Variants in NEMF observed in about 807,000 individuals in gnomAD.
NEMF encodes ribosome quality control complex subunit NEMF.
NEMF carries 89 observed loss-of-function variants against 162.2 expected under a neutral mutation model. The ratio of observed to expected loss-of-function variants is 0.55; its 90% CI spans 0.46 to 0.65. The LOEUF (loss-of-function observed/expected upper bound fraction) is 0.65, where lower values mean the gene tolerates loss of function less well. NEMF is among the 30% of genes least tolerant of loss of function. NEMF has a pLI of 0.00. For synonymous variants in NEMF, 421 were observed against 404.5 expected (o/e 1.04, Z -0.49); for missense variants, 1,133 against 1,261.9 (o/e 0.90, Z 1.55).
At position 49,825,972 on chromosome 14, in the gene NEMF, GT is replaced by G; in HGVS notation, c.1489-18del. 1 of 1,533,142 alleles carries G rather than the reference GT, an allele frequency of 6.5e-7. No homozygotes were observed. Among genetic ancestry groups the G allele is most frequent in the Non-Finnish European group, 9.0e-7 (1 of 1,117,248 alleles). The allele number at this position is 1,533,142 out of a possible 1,614,324, so 95.0% of individuals were successfully genotyped here. A position where few individuals can be genotyped will look rare whatever the true frequency, so the allele number is the denominator to read the frequency against. ...CTTGAATGCCTATTTATAGAAAAGAGTTTTAAAAACAATTTGTTAAGAATGT... is the reference window on the plus strand; with the variant it reads ...CTTGAATGCCTATTTATAGAAAAGAGTTTAAAAACAATTTGTTAAGAATGT... On this transcript the variant is annotated intron_variant, in intron 15 of 32. Coordinates refer to ENST00000298310, the MANE Select transcript of NEMF (RefSeq NM_004713.6).
chr14:49,815,213 C>A (rs1891659724), intron 16 of NEMF, among the ~76,000 whole-genome samples: 1 of 152,086 alleles, frequency 6.6e-6, no homozygotes, highest in African/African-American at 2.4e-5. Context: ...CTTTAGACCA[C>A]TAATAAGAAA....
intron 3 of NEMF, 51 bp downstream of exon 3, chr14:49,851,512 A>T: frequency 5.5e-6 from 7 of 1,261,536 alleles, no homozygotes; most frequent in Non-Finnish European, 8.1e-6. Context: ...TAAAAACTTA[A>T]TTGTTAGTGA....
rs1244521545 is a variant in NEMF at position 49,851,833 on chromosome 14, A to C, written c.102T>G (p.Asn34Lys). ...MRVNNVYDVD[N>K]KTYLIRLQKP... ...TTTGAAGACGAATAAGGTATGTCTT[A>C]TTATCCACATCATAAACATTGTTTA... Residue 34 changes from asparagine (N) to lysine (K), a missense_variant, in exon 2 of 33, where the codon AAT becomes AAG. Physicochemically the swap from Asn to Lys is moderately conservative, Grantham distance 94. Around this residue, in one of 3 missense-constraint regions of NEMF, gnomAD observed 582 missense variants for 631.5 expected, o/e 0.92. Transcript: ENST00000298310. 6.3e-7 allele frequency: 1 copy of C among 1,586,186 alleles called. No individual in the cohort carries two copies. Among genetic ancestry groups the C allele is most frequent in the East Asian group, 2.2e-5 (1 of 44,720 alleles).
intron 18 of NEMF, among the ~76,000 whole-genome samples, chr14:49,807,592 ATTT>A (rs371689750): frequency 3.1e-3 from 393 of 125,356 alleles, no homozygotes; most frequent in African/African-American, 0.011. Flanking sequence ...GTATCTTGTG[ATTT>A]TTTTTTTTTT....
chr14:49,840,354 C>T (rs890406974), intron 5 of NEMF, among the ~76,000 whole-genome samples: 1 of 151,798 alleles, frequency 6.6e-6, no homozygotes, highest in African/African-American at 2.4e-5. Flanking sequence ...CCCAGCTACT[C>T]GGGAGGCTGC....
chr14:49,810,727 A>G (rs1891436582), intron 18 of NEMF, among the ~76,000 whole-genome samples: 1 of 152,194 alleles, frequency 6.6e-6, no homozygotes, highest in South Asian at 2.1e-4. Context: ...GCAGTGGCTC[A>G]TGCCTGTAAT....
chr14:49,805,912 AAG>A, intron 19 of NEMF, 107 bp downstream of exon 19: 1 of 562,778 alleles, frequency 1.8e-6, no homozygotes, highest in Non-Finnish European at 3.1e-6. Flanking sequence ...CTCTACCAAA[AAG>A]AGTTAGCTCT....
chr14:49,798,540 A>G (rs990230000), intron 25 of NEMF, among the ~76,000 whole-genome samples: 5 of 152,232 alleles, frequency 3.3e-5, no homozygotes, highest in Non-Finnish European at 7.3e-5. Context: ...TCTTGTTTAT[A>G]TCAATTAGCC....
At chr14:49,848,218 G>T (rs543370072) in intron 3 of NEMF, among the ~76,000 whole-genome samples, 1 of 151,910 alleles carries the variant, frequency 6.6e-6, no homozygotes, top group Non-Finnish European at 1.5e-5. Flanking sequence ...TCCTGGTATC[G>T]TCTCTAAGCT....
intron 25 of NEMF, chr14:49,796,400 TC>T: frequency 2.4e-6 from 1 of 417,320 alleles, no homozygotes; most frequent in Non-Finnish European, 4.8e-6. Flanking sequence ...TTCTTTCTGT[TC>T]CCAATGCCAA....
At chr14:49,837,123 A>T (rs1406636119) in intron 6 of NEMF, among the ~76,000 whole-genome samples, 4 of 152,234 alleles carry the variant, frequency 2.6e-5, no homozygotes, top group African/African-American at 9.6e-5. Flanking sequence ...AAATACAAAA[A>T]AAATTAGCTG....
intron 26 of NEMF, among the ~76,000 whole-genome samples, 174 bp from the exon 27 acceptor site, chr14:49,789,747 T>C (rs1327175743): frequency 6.6e-6 from 1 of 152,228 alleles, no homozygotes; most frequent in Non-Finnish European, 1.5e-5. Flanking sequence ...GTCCTCATCT[T>C]CAAGGAATTT....
At chr14:49,848,672 T>C (rs1893629020) in intron 3 of NEMF, among the ~76,000 whole-genome samples, 1 of 151,694 alleles carries the variant, frequency 6.6e-6, no homozygotes, top group African/African-American at 2.4e-5. Flanking sequence ...CCATCTCTAC[T>C]AAAAATACAA....
At chr14:49,819,271 T>C (rs1594767255) in intron 16 of NEMF, among the ~76,000 whole-genome samples, 1 of 152,132 alleles carries the variant, frequency 6.6e-6, no homozygotes, top group Non-Finnish European at 1.5e-5. Context: ...AGAGTATATT[T>C]TTAAGTGCTC....
At chr14:49,822,417 A>T (rs1892118982) in intron 16 of NEMF, among the ~76,000 whole-genome samples, 1 of 150,860 alleles carries the variant, frequency 6.6e-6, no homozygotes, top group African/African-American at 2.4e-5. Flanking sequence ...GCTACTTGGG[A>T]GGCTGAGGCA....
chr14:49,789,315 C>T lies in NEMF; in HGVS notation c.2726G>A (p.Gly909Glu). 2 of 1,614,160 alleles carry T rather than the reference C, an allele frequency of 1.2e-6. No homozygotes were observed. Among genetic ancestry groups the T allele is most frequent in the Non-Finnish European group, 1.7e-6 (2 of 1,180,028 alleles). Residue 909 changes from glycine to glutamate, a missense_variant, in exon 28 of 33, where the codon GGG becomes GAG. By Grantham distance (98) the Gly-to-Glu change is moderately conservative. This residue lies in a region of NEMF where 532 missense variants were observed against 578.6 expected (regional missense o/e 0.92). Transcript: ENST00000298310. ...GSAGSNKEEK[G>E]KKGKKGKTKD... ...TGTTTTTCCTTTCTTCCCCTTCTTC[C>T]CTTTTTCTTCTTTGTTTGAACCTGC... is the stretch of plus-strand genomic sequence containing the variant.
chr14:49,835,720 C>T (rs1892864861), intron 6 of NEMF, among the ~76,000 whole-genome samples: 1 of 152,132 alleles, frequency 6.6e-6, no homozygotes, highest in South Asian at 2.1e-4. Flanking sequence ...AGTAAAGCAT[C>T]CTTATTCACA....
Position 49,829,189 on chromosome 14 carries a change from C to T in NEMF, c.1097G>A (p.Arg366Gln), listed in dbSNP as rs866428459. Residue 366 changes from arginine (R) to glutamine (Q), a missense_variant, in exon 13 of 33, where the codon CGA becomes CAA. By Grantham distance (43) the Arg-to-Gln change is conservative (BLOSUM62 1). Coordinates refer to ENST00000298310, the MANE Select transcript of NEMF (RefSeq NM_004713.6). ...QIVDRAIQVV[R>Q]SALANQIDWT... is the part of the protein sequence containing the mutation. The stretch of plus-strand genomic sequence containing the variant: ...ATCTATCTGGTTAGCTAAAGCACTT[C>T]GAACTACCTGAATGGCTCTGTCAAC... 11 of 1,614,166 alleles carry T rather than the reference C, an allele frequency of 6.8e-6. No homozygotes were observed. In the Middle Eastern group the frequency reaches 4.9e-4, roughly 73 times the overall value.
At chr14:49,800,789 C>A in intron 22 of NEMF, 93 bp from the exon 23 acceptor site, 1 of 1,190,360 alleles carries the variant, frequency 8.4e-7, no homozygotes, top group East Asian at 2.3e-5. Flanking sequence ...ACTGTTTCTC[C>A]CATATTTCTC....
Sources: allele counts gnomAD v4.1 joint callset (sites outside exome capture counted in the v4.1 genomes callset), GRCh38; gene constraint gnomAD v4.1.1; regional missense constraint gnomAD v4.1.1; transcripts MANE v1.5; gene names NCBI Gene and HGNC (gene_info 2026-07-23, HGNC 2026-07-21).